CDK14: variants seen among roughly 807,000 people sequenced by gnomAD.
The protein encoded by CDK14 is cyclin dependent kinase 14.
CDK14 carries 34 observed loss-of-function variants against 60.7 expected under a neutral mutation model. The observed-to-expected ratio is 0.56, with a 90% confidence interval of 0.43 to 0.75. CDK14 has a LOEUF of 0.75. CDK14 is among the 30% of genes least tolerant of loss of function. CDK14 has a pLI of 0.00. For synonymous variants in CDK14, 197 were observed against 203.7 expected, an observed-to-expected ratio of 0.97 and a Z score of 0.28; for missense variants, 482 against 564.1, an observed-to-expected ratio of 0.85 and a Z score of 1.47.
chr7:90,735,898 C>T (rs576400713), intron 3 of CDK14, among the ~76,000 whole-genome samples: 77 of 152,296 alleles, frequency 5.1e-4, no homozygotes, highest in African/African-American at 1.7e-3. Context: ...GCAGCTAGCT[C>T]GGTGTCTGCC....
At chr7:90,678,607 C>T (rs975243970) in intron 2 of CDK14, among the ~76,000 whole-genome samples, 2 of 151,874 alleles carry the variant, frequency 1.3e-5, no homozygotes, top group Non-Finnish European at 2.9e-5. Flanking sequence ...CTTGTTATTC[C>T]GGTATGTTGT....
At chr7:90,912,467 C>T (rs566077281) in intron 7 of CDK14, among the ~76,000 whole-genome samples, 2 of 152,272 alleles carry the variant, frequency 1.3e-5, no homozygotes, top group African/African-American at 2.4e-5. Context: ...GGAAAATTCA[C>T]AAGAGCTGTG....
intron 6 of CDK14, among the ~76,000 whole-genome samples, chr7:90,874,883 A>G (rs895187219): frequency 1.3e-5 from 2 of 152,116 alleles, no homozygotes; most frequent in Non-Finnish European, 2.9e-5. Context: ...CAATTCATGT[A>G]ACAAAGTTTG....
At chr7:90,737,527 A>G (rs1803170620) in intron 3 of CDK14, among the ~76,000 whole-genome samples, 2 of 152,138 alleles carry the variant, frequency 1.3e-5, no homozygotes, top group African/African-American at 4.8e-5. Flanking sequence ...AAATTCCCAG[A>G]TTAGAACCAA....
intron 10 of CDK14, among the ~76,000 whole-genome samples, chr7:91,000,560 T>C: frequency 6.6e-6 from 1 of 152,210 alleles, no homozygotes; most frequent in East Asian, 1.9e-4. Flanking sequence ...TTTATTAAGG[T>C]GTTGCTACAA....
intron 14 of CDK14, among the ~76,000 whole-genome samples, chr7:91,183,580 CACTT>C (rs1057091183): frequency 6.6e-6 from 1 of 152,184 alleles, no homozygotes; most frequent in Non-Finnish European, 1.5e-5. Context: ...AAACAACAAA[CACTT>C]ACTGAATGCT....
At chr7:90,844,440 A>G (rs1320501243) in intron 5 of CDK14, among the ~76,000 whole-genome samples, 1 of 152,212 alleles carries the variant, frequency 6.6e-6, no homozygotes, top group Non-Finnish European at 1.5e-5. Flanking sequence ...TGGTAGAAAG[A>G]GCACTGGCCT....
intron 8 of CDK14, 101 bp from the exon 9 acceptor site, chr7:90,955,596 A>G: frequency 1.5e-6 from 2 of 1,313,294 alleles, no homozygotes; most frequent in South Asian, 2.6e-5. Flanking sequence ...ATTCTGTATT[A>G]AAAGGTCGGG....
intron 2 of CDK14, among the ~76,000 whole-genome samples, chr7:90,674,403 T>C (rs1455341791): frequency 1.3e-5 from 2 of 152,118 alleles, no homozygotes; most frequent in African/African-American, 4.8e-5. Flanking sequence ...TGAGAGAGGA[T>C]AGCCATAGCT....
chr7:90,690,514 ATGTC>A (rs1394608627), intron 2 of CDK14, among the ~76,000 whole-genome samples: 1 of 152,176 alleles, frequency 6.6e-6, no homozygotes, highest in Non-Finnish European at 1.5e-5. Context: ...TTCTTTCACT[ATGTC>A]TGTGTACTTT....
chr7:90,719,219 C>T (rs1268077501), intron 2 of CDK14, among the ~76,000 whole-genome samples: 2 of 152,160 alleles, frequency 1.3e-5, no homozygotes, highest in Admixed American at 6.6e-5. Context: ...GACCTAGCTA[C>T]AGCCTGACGC....
intron 2 of CDK14, among the ~76,000 whole-genome samples, chr7:90,696,427 G>C (rs954306467): frequency 7.1e-6 from 1 of 140,924 alleles, no homozygotes; most frequent in Non-Finnish European, 1.5e-5. Flanking sequence ...TGCAACCTCC[G>C]CCTCCCGGGT....
At chr7:90,812,397 C>T (rs971199963) in intron 5 of CDK14, among the ~76,000 whole-genome samples, 13 of 151,902 alleles carry the variant, frequency 8.6e-5, no homozygotes, top group African/African-American at 3.1e-4. Context: ...TGTTCTCACT[C>T]ATAGGTGGTA....
chr7:90,909,590 T>C (rs1792824867), intron 7 of CDK14, among the ~76,000 whole-genome samples: 1 of 152,050 alleles, frequency 6.6e-6, no homozygotes, highest in Non-Finnish European at 1.5e-5. Context: ...CTAGATCCCA[T>C]GGCTTTAAAC....
At chr7:90,649,268 CT>C (rs1269180587) in intron 2 of CDK14, among the ~76,000 whole-genome samples, 4 of 47,586 alleles carry the variant, frequency 8.4e-5, no homozygotes, top group Non-Finnish European at 1.6e-4. Flanking sequence ...TTCTTTCTTT[CT>C]TTCTTTCTTT....
At chr7:91,024,815 T>C (rs1274380141) in intron 10 of CDK14, among the ~76,000 whole-genome samples, 1 of 152,226 alleles carries the variant, frequency 6.6e-6, no homozygotes, top group African/African-American at 2.4e-5. Flanking sequence ...CTGAGCAGTA[T>C]AGCTAATTAG....
chr7:90,660,678 A>C (rs942230483), intron 2 of CDK14, among the ~76,000 whole-genome samples: 1 of 152,252 alleles, frequency 6.6e-6, no homozygotes, highest in Non-Finnish European at 1.5e-5. Flanking sequence ...TTTTCTGTGT[A>C]GTTTACTGTT....
chr7:91,049,182 G>A (rs1201464944), intron 11 of CDK14, among the ~76,000 whole-genome samples: 1 of 151,990 alleles, frequency 6.6e-6, no homozygotes, highest in Non-Finnish European at 1.5e-5. Flanking sequence ...ATGCCTGGCT[G>A]AGTTCTTTAT....
At chr7:90,824,253 G>A (rs1159558494) in intron 5 of CDK14, among the ~76,000 whole-genome samples, 1 of 71,706 alleles carries the variant, frequency 1.4e-5, no homozygotes, top group Non-Finnish European at 2.8e-5. Context: ...ACTACTCTGG[G>A]AAGAGTTAGC....
Sources: gnomAD v4.1 joint callset for allele counts (sites outside exome capture counted in the v4.1 genomes callset) on GRCh38, gnomAD v4.1.1 for gene constraint, MANE v1.5 for transcripts, NCBI Gene and HGNC (gene_info 2026-07-23, HGNC 2026-07-21) for gene names.